The following EIF3CL variants were observed in gnomAD, a reference collection of about 807,000 sequenced individuals.
EIF3CL encodes eukaryotic translation initiation factor 3 subunit C like.
For missense variants in EIF3CL, 5 were observed against 56.1 expected, an observed-to-expected ratio of 0.09 and a Z score of 2.91; for synonymous variants, 2 against 19.6, an observed-to-expected ratio of 0.10 and a Z score of 2.37.
At chr16:28,386,851 C>A in intron 15 of EIF3CL, among the ~76,000 whole-genome samples, 1 of 37,210 alleles carries the variant, frequency 2.7e-5, no homozygotes, top group Non-Finnish European at 4.9e-5. Flanking sequence ...ACACACACAC[C>A]CCCTAAAAGA....
the EIF3CL span, among the ~76,000 whole-genome samples, chr16:28,415,861 T>C: frequency 9.5e-6 from 1 of 105,688 alleles, no homozygotes; most frequent in African/African-American, 3.5e-5. Flanking sequence ...TCCGTCTCCG[T>C]CTCCATCTCC....
At chr16:28,405,880 TATAC>T (rs1567241778), upstream of EIF3CL, among the ~76,000 whole-genome samples, 1 of 145,208 alleles carries the variant, frequency 6.9e-6, no homozygotes, top group Non-Finnish European at 1.6e-5. Flanking sequence ...TCTCTTTGTG[TATAC>T]ACACACACAC....
At chr16:28,419,078 C>G in the EIF3CL span, among the ~76,000 whole-genome samples, 1 of 141,620 alleles carries the variant, frequency 7.1e-6, no homozygotes, top group Admixed American at 7.1e-5. Context: ...ATGATCTTGG[C>G]TCACTGCAAC....
the EIF3CL span, among the ~76,000 whole-genome samples, chr16:28,415,811 C>T: frequency 2.7e-5 from 2 of 74,694 alleles, no homozygotes; most frequent in Admixed American, 1.5e-4. Flanking sequence ...TCTCCCTCTC[C>T]CTCTTCCTCT....
chr16:28,407,969 C>T (rs1167844619), upstream of EIF3CL, among the ~76,000 whole-genome samples: 2 of 19,338 alleles, frequency 1.0e-4, no homozygotes, highest in Non-Finnish European at 2.4e-4. Context: ...TTTGGGAGGC[C>T]GAGGCGGGTG....
the EIF3CL span, chr16:28,414,417 C>T: frequency 1.1e-4 from 36 of 324,282 alleles, no homozygotes; most frequent in Non-Finnish European, 1.9e-4. Flanking sequence ...GAAAAGACGG[C>T]TTTAGCAGGA....
intron 8 of EIF3CL, among the ~76,000 whole-genome samples, chr16:28,396,721 G>T (rs1596598389): frequency 2.0e-5 from 1 of 49,608 alleles, no homozygotes; most frequent in Non-Finnish European, 5.5e-5. Context: ...TGTATGTCAT[G>T]TACACCTCAA....
At chr16:28,419,271 G>A in the EIF3CL span, among the ~76,000 whole-genome samples, 2 of 150,870 alleles carry the variant, frequency 1.3e-5, no homozygotes, top group Non-Finnish European at 2.9e-5. Context: ...CTCCCAAAGT[G>A]CTGGGATTAC....
chr16:28,386,816 G>C (rs1489582110), intron 15 of EIF3CL, among the ~76,000 whole-genome samples: 1 of 63,228 alleles, frequency 1.6e-5, no homozygotes, highest in Non-Finnish European at 3.1e-5. Context: ...CCCCCTAAAA[G>C]ATACACACAC....
chr16:28,387,833 ACCTCTG>A (rs1158457839), intron 15 of EIF3CL, among the ~76,000 whole-genome samples: 1 of 120,152 alleles, frequency 8.3e-6, no homozygotes, highest in Non-Finnish European at 1.7e-5. Context: ...GCTCACTGGA[ACCTCTG>A]CCTCTTGGGC....
At chr16:28,423,967 G>A in the EIF3CL span, among the ~76,000 whole-genome samples, 1,425 of 70,868 alleles carry the variant, frequency 0.02, 20 homozygotes, top group African/African-American at 0.064. Flanking sequence ...GACTACAGGC[G>A]CCCGCAACCA....
chr16:28,414,691 G>A, the EIF3CL span: 3 of 355,120 alleles, frequency 8.4e-6, no homozygotes, highest in South Asian at 2.1e-5. Flanking sequence ...GAGCCTGTGT[G>A]GGGCTGCGCC....
chr16:28,422,341 G>C, the EIF3CL span, among the ~76,000 whole-genome samples: 57,269 of 61,148 alleles, frequency 0.94, 27,745 homozygotes, highest in East Asian at 1. Context: ...CAGGTTCAAG[G>C]GATTCTCCTG....
chr16:28,418,744 C>G, the EIF3CL span, among the ~76,000 whole-genome samples: 2 of 151,490 alleles, frequency 1.3e-5, no homozygotes, highest in East Asian at 3.9e-4. Flanking sequence ...ATTCTCCTGC[C>G]TCAGCATCCT....
At chr16:28,414,843 C>T in the EIF3CL span, 679 of 503,238 alleles carry the variant, frequency 1.3e-3, 28 homozygotes, top group South Asian at 4.6e-3. Context: ...GCGAAGGACG[C>T]GCAAATGCAG....
the EIF3CL span, among the ~76,000 whole-genome samples, chr16:28,417,239 A>AG: frequency 6.7e-6 from 1 of 149,112 alleles, no homozygotes; most frequent in African/African-American, 2.5e-5. Context: ...CCGGGAAGTG[A>AG]GGGGCGCCTC....
the EIF3CL span, chr16:28,415,140 TG>T: frequency 3.3e-6 from 1 of 307,182 alleles, no homozygotes; most frequent in Non-Finnish European, 6.3e-6. Context: ...CCCCTAGCCC[TG>T]GGGGCCTGCC....
At chr16:28,418,661 G>T in the EIF3CL span, among the ~76,000 whole-genome samples, 4 of 151,372 alleles carry the variant, frequency 2.6e-5, no homozygotes, top group African/African-American at 9.7e-5. Flanking sequence ...ACACAGTTTC[G>T]CTCTTTTGCC....
chr16:28,417,025 C>T, the EIF3CL span, among the ~76,000 whole-genome samples: 2 of 51,558 alleles, frequency 3.9e-5, no homozygotes, highest in Non-Finnish European at 8.1e-5. Flanking sequence ...GGGGGGTCAG[C>T]CCCCCCCGCC....
Sources: gnomAD v4.1 joint callset for allele counts (sites outside exome capture counted in the v4.1 genomes callset) on GRCh38, gnomAD v4.1.1 for gene constraint, MANE v1.5 for transcripts, NCBI Gene and HGNC (gene_info 2026-07-23, HGNC 2026-07-21) for gene names.